The following SCAMP1 variants were observed in gnomAD, a reference collection of about 807,000 sequenced individuals.
The protein encoded by SCAMP1 is secretory carrier-associated membrane protein 1.
Under a neutral mutation model 41.8 loss-of-function variants are expected in SCAMP1, and 15 were observed. That is an observed-to-expected ratio of 0.36 (90% CI 0.24 to 0.55). The LOEUF (loss-of-function observed/expected upper bound fraction) is 0.55. SCAMP1 is among the 20% of genes least tolerant of loss of function. The pLI is 0.86. For synonymous variants in SCAMP1, 135 were observed against 136.8 expected (o/e 0.99, Z 0.09); for missense variants, 341 against 412.6 (o/e 0.83, Z 1.50).
intron 2 of SCAMP1, among the ~76,000 whole-genome samples, chr5:78,403,920 G>A (rs1423180115): frequency 2.6e-5 from 3 of 117,480 alleles, no homozygotes; most frequent in Admixed American, 1.2e-4. Context: ...AGCCAAGATC[G>A]TGCCTAGGGG....
chr5:78,391,899 C>A (rs901189579), intron 2 of SCAMP1, among the ~76,000 whole-genome samples: 1 of 152,054 alleles, frequency 6.6e-6, no homozygotes, highest in Non-Finnish European at 1.5e-5. Flanking sequence ...CGCAGGCACT[C>A]GGCAGGCTGA....
At chr5:78,427,621 T>C (rs1329354956) in intron 6 of SCAMP1, among the ~76,000 whole-genome samples, 1 of 152,114 alleles carries the variant, frequency 6.6e-6, no homozygotes, top group African/African-American at 2.4e-5. Flanking sequence ...TGCCAAACTG[T>C]TTTCTAAAGT....
chr5:78,460,791 TC>T (rs1440363098), intron 8 of SCAMP1, among the ~76,000 whole-genome samples: 17 of 47,356 alleles, frequency 3.6e-4, no homozygotes, highest in African/African-American at 8.6e-4. Flanking sequence ...CTTCCTTCCT[TC>T]CTTCCTTCCT....
At chr5:78,372,811 C>A (rs1750972336) in intron 1 of SCAMP1, among the ~76,000 whole-genome samples, 1 of 152,014 alleles carries the variant, frequency 6.6e-6, no homozygotes, top group Non-Finnish European at 1.5e-5. Context: ...AAAATCAGAG[C>A]CTGCTTTAGA....
chr5:78,472,997 G>A (rs1159929), intron 8 of SCAMP1, among the ~76,000 whole-genome samples: 124,044 of 152,064 alleles, frequency 0.82, 51,249 homozygotes, highest in East Asian at 0.92. Context: ...CTAGGATCCA[G>A]TCATTTGTAC....
intron 5 of SCAMP1, 28 bp downstream of exon 5, chr5:78,418,931 C>T (rs1752272405): frequency 1.3e-6 from 2 of 1,530,170 alleles, no homozygotes. Flanking sequence ...TACATCTTTG[C>T]TTAGAATTTG....
At chr5:78,438,939 T>A (rs1182512861) in intron 6 of SCAMP1, among the ~76,000 whole-genome samples, 1 of 152,234 alleles carries the variant, frequency 6.6e-6, no homozygotes, top group African/African-American at 2.4e-5. Context: ...TAGCTCTTCT[T>A]GTTGAATTGA....
intron 2 of SCAMP1, among the ~76,000 whole-genome samples, chr5:78,398,195 G>GATAGGAACA (rs1751701639): frequency 6.6e-6 from 1 of 152,068 alleles, no homozygotes; most frequent in Non-Finnish European, 1.5e-5. Context: ...ATCAACTGAT[G>GATAGGAACA]AATGGATAAA....
intron 6 of SCAMP1, among the ~76,000 whole-genome samples, chr5:78,422,316 TG>T (rs1359503077): frequency 3.1e-5 from 2 of 64,808 alleles, no homozygotes; most frequent in African/African-American, 7.1e-5. Flanking sequence ...TTGGTGCTTA[TG>T]GTTTTTTTTT....
chr5:78,470,397 TC>T (rs957771505), intron 8 of SCAMP1, among the ~76,000 whole-genome samples: 11 of 152,316 alleles, frequency 7.2e-5, no homozygotes, highest in African/African-American at 2.6e-4. Flanking sequence ...TTTAGATATT[TC>T]ATATAAATGG....
chr5:78,424,788 T>C (rs555689340), intron 6 of SCAMP1, among the ~76,000 whole-genome samples: 20 of 152,324 alleles, frequency 1.3e-4, no homozygotes, highest in African/African-American at 4.6e-4. Context: ...CACAAATCAC[T>C]AGGCATTATG....
rs187629424 is a variant in SCAMP1 at position 78,480,468 on chromosome 5, C to T, written c.*4800C>T. On this transcript the variant is annotated 3_prime_UTR_variant, in exon 9 of 9. Transcript: ENST00000621999. ...TATGCCAGTGATTCTCAAGATAAAT[C>T]ATGATTGTAGTAGTTGTTACTGTTG... Among the ~76,000 whole-genome samples, 4 of 152,264 alleles carry T rather than the reference C, an allele frequency of 2.6e-5. No homozygotes were observed. The highest frequency in any genetic ancestry group is 9.6e-5 in the African/African-American group (4 of 41,538).
chr5:78,361,185 C>T, intron 1 of SCAMP1: 1 of 167,346 alleles, frequency 6.0e-6, no homozygotes, highest in East Asian at 1.8e-4. Flanking sequence ...GGGGTGATGG[C>T]AGAGGTGTGG....
At chr5:78,450,120 A>G (rs1211670706) in intron 7 of SCAMP1, 86 bp downstream of exon 7, 2 of 712,730 alleles carry the variant, frequency 2.8e-6, no homozygotes, top group African/African-American at 1.9e-5. Context: ...ACACAGATAA[A>G]CCAGATTAGA....
intron 1 of SCAMP1, among the ~76,000 whole-genome samples, chr5:78,386,637 T>G (rs1751348363): frequency 6.6e-6 from 1 of 152,166 alleles, no homozygotes; most frequent in African/African-American, 2.4e-5. Flanking sequence ...GTTTTCATAG[T>G]TTTTGTAGTG....
intron 6 of SCAMP1, among the ~76,000 whole-genome samples, chr5:78,444,975 A>G (rs1268243559): frequency 6.6e-6 from 1 of 152,130 alleles, no homozygotes; most frequent in African/African-American, 2.4e-5. Flanking sequence ...TTCAAACCCA[A>G]ATCTGTAAAT....
rs140560395 is a variant in SCAMP1 at position 78,405,758 on chromosome 5, A to G, written c.136-9762A>G. 4.3e-4 allele frequency among the ~76,000 whole-genome samples: 65 copies of G among 152,322 alleles called. 1 individual carries two copies. The highest frequency in any genetic ancestry group is 1.5e-3 in the African/African-American group (63 of 41,570). On this transcript the variant is annotated intron_variant, in intron 2 of 8. Transcript: ENST00000621999. ...TGACCAATGAATGTTTGATGAATGT[A>G]TGAATGAATGGATATGGTCACATTT...
chr5:78,445,956 T>C (rs1197648016), intron 6 of SCAMP1, among the ~76,000 whole-genome samples: 1 of 152,204 alleles, frequency 6.6e-6, no homozygotes, highest in Non-Finnish European at 1.5e-5. Context: ...ATTATTCGTA[T>C]TAACGGTCAG....
intron 1 of SCAMP1, among the ~76,000 whole-genome samples, chr5:78,363,207 C>A (rs1187030636): frequency 7.0e-6 from 1 of 143,242 alleles, no homozygotes; most frequent in Non-Finnish European, 1.5e-5. Flanking sequence ...GTTTTTCTTT[C>A]TTTCTTTCTT....
Sources: allele counts gnomAD v4.1 joint callset (sites outside exome capture counted in the v4.1 genomes callset), GRCh38; gene constraint gnomAD v4.1.1; transcripts MANE v1.5; gene names NCBI Gene and HGNC (gene_info 2026-07-23, HGNC 2026-07-21).